Variants in IPO13 observed in about 807,000 individuals in gnomAD.
IPO13 encodes the protein importin 13.
A neutral mutation model predicts 115.5 loss-of-function variants in IPO13; 28 were observed. The observed-to-expected ratio is 0.24, with a 90% CI of 0.18 to 0.33. The LOEUF is 0.33. IPO13 is among the 10% of genes least tolerant of loss of function. IPO13 has a pLI of 1.00. For synonymous variants in IPO13, 414 were observed against 478.9 expected, an observed-to-expected ratio of 0.86 and a Z score of 1.77; for missense variants, 785 against 1,204.6, an observed-to-expected ratio of 0.65 and a Z score of 5.16.
In IPO13 at chr1:43,967,851, C is replaced by A; in HGVS notation, c.*169C>A. On this transcript the variant is annotated 3_prime_UTR_variant, in exon 20 of 20. Transcript: ENST00000372343. The surrounding 1 kb of genome is among the most constrained non-coding windows in gnomAD (Gnocchi z 6.1). ...GGATGGGAGGATGCTTGGACCCAGG[C>A]CTTGGGAGGGAATGGTGGGAACATC... 1 of 657,384 alleles carries A rather than the reference C, an allele frequency of 1.5e-6. No individual in the cohort carries two copies. Among genetic ancestry groups the A allele is most frequent in the Non-Finnish European group, 2.7e-6 (1 of 376,380 alleles). 40.7% of individuals were successfully genotyped at this position (657,384 alleles called of 1,614,324 possible). A position where few individuals can be genotyped will look rare whatever the true frequency, so the allele number is the denominator to read the frequency against.
In IPO13 at chr1:43,961,026, G is replaced by C; in HGVS notation, c.2247+13G>C. 6.2e-7 allele frequency: 1 copy of C among 1,613,968 alleles called. No homozygotes were observed. Among genetic ancestry groups the C allele is most frequent in the South Asian group, 1.1e-5 (1 of 91,076 alleles). ...CCTCACTCGACAGGTGGGCCTTCTGGTTGGGGCAGAGATCCTGACCCTGGG... is the reference window on the plus strand; with the variant it reads ...CCTCACTCGACAGGTGGGCCTTCTGCTTGGGGCAGAGATCCTGACCCTGGG... On this transcript the variant is annotated intron_variant, in intron 13 of 19. Transcript: ENST00000372343.
chr1:43,963,017 T>C (rs2154302376), intron 14 of IPO13, among the ~76,000 whole-genome samples: 1 of 152,354 alleles, frequency 6.6e-6, no homozygotes, highest in African/African-American at 2.4e-5. Context: ...GGGTGGCTGC[T>C]GAATATCAAA....
Position 43,961,223 on chromosome 1 carries a change from C to G in IPO13, c.2305C>G (p.Leu769Val), listed in dbSNP as rs1325566489. 8 of 1,614,008 alleles carry G rather than the reference C, an allele frequency of 5.0e-6. No homozygotes were observed. The highest frequency in any genetic ancestry group is 5.9e-6 in the Non-Finnish European group (7 of 1,179,980). ...AHFPPIEALF[L>V]LVTSVTLTLF... ...CTTTCCCCCAATTGAGGCCCTCTTC[C>G]TGCTCGTCACCTCCGTCACACTCAC... The change falls in exon 14 of 20, where the codon CTG becomes GTG. Residue 769 changes from leucine to valine, a missense_variant. Leu to Val is a conservative substitution (Grantham distance 32, BLOSUM62 1). Transcript: ENST00000372343.
At chr1:43,961,629 C>T (rs2085291126) in intron 14 of IPO13, among the ~76,000 whole-genome samples, 1 of 152,130 alleles carries the variant, frequency 6.6e-6, no homozygotes, top group Admixed American at 6.5e-5. Flanking sequence ...TCAGCTAGAC[C>T]TAGATTCTAA....
rs572345124 is a variant in IPO13, at chr1:43,958,975, A to G, written c.2028+86A>G. 4.8e-5 allele frequency: 63 copies of G among 1,300,182 alleles called. 1 individual carries two copies. The highest frequency in any genetic ancestry group is 4.2e-4 in the South Asian group (33 of 78,040). The allele number at this position is 1,300,182 out of a possible 1,614,324, so 80.5% of individuals were successfully genotyped here. A position where few individuals can be genotyped will look rare whatever the true frequency, so the allele number is the denominator to read the frequency against. On this transcript the variant is annotated intron_variant, in intron 11 of 19. Coordinates refer to ENST00000372343, the MANE Select transcript of IPO13 (RefSeq NM_014652.4). This position sits in a 1 kb window ranked among gnomAD's most constrained non-coding sequence, Gnocchi z 6.3. ...GTGGGAATGTCATTGTCACTCTTCA[A>G]TTCTGTGGGTAATGTTGTCATTGTT...
In IPO13 at chr1:43,956,602, A is replaced by C. The variant is rs2085250431; in HGVS notation, c.1005A>C (p.Ala335=). ...DQVEHWQSFL[A]LVNMIMFCTG... ...TAGAGCACTGGCAGAGTTTCCTGGCACTCGTCAACATGATTATGTTCTGCA... is the reference window on the plus strand; with the variant it reads ...TAGAGCACTGGCAGAGTTTCCTGGCCCTCGTCAACATGATTATGTTCTGCA... The change falls in exon 4 of 20, where the codon GCA becomes GCC. Residue 335 remains alanine, a synonymous_variant. Transcript: ENST00000372343. The surrounding 1 kb of genome is among the most constrained non-coding windows in gnomAD (Gnocchi z 4.7). 3.7e-6 allele frequency: 6 copies of C among 1,613,918 alleles called. No homozygotes were observed. The highest frequency in any genetic ancestry group is 5.1e-6 in the Non-Finnish European group (6 of 1,180,016).
At chr1:43,959,746 T>G (rs919037285) in intron 11 of IPO13, among the ~76,000 whole-genome samples, 2 of 152,152 alleles carry the variant, frequency 1.3e-5, no homozygotes, top group African/African-American at 4.8e-5. Flanking sequence ...AGCTGCTTCT[T>G]TACATGGTAG....
intron 14 of IPO13, among the ~76,000 whole-genome samples, chr1:43,962,155 A>G (rs895788002): frequency 1.3e-5 from 2 of 152,108 alleles, no homozygotes; most frequent in Non-Finnish European, 1.5e-5. Flanking sequence ...TCTGTGGGCC[A>G]TGGAGTAGGT....
rs749214638 is a variant in IPO13 at position 43,950,036 on chromosome 1, C to T, written c.704C>T (p.Pro235Leu). The T allele has an allele frequency of 8.1e-6, 13 of 1,613,520 alleles. No individual in the cohort carries two copies. Among genetic ancestry groups the T allele is most frequent in the South Asian group, 5.5e-5 (5 of 91,046 alleles). The change falls in exon 2 of 20, where the codon CCG (proline) becomes CTG (leucine). Residue 235 changes from proline (P) to leucine (L), a missense_variant. Around this residue, in one of 3 missense-constraint regions of IPO13, gnomAD observed 325 missense variants for 449.8 expected, o/e 0.72. Transcript: ENST00000372343. ...TCCAGCTGGGTGCAGCTGGAGGTGC[C>T]GCTGCAGGACTGTGAGGCGCTCATT... ...CFSSWVQLEV[P>L]LQDCEALIQA... is the part of the protein sequence containing the mutation.
chr1:43,961,550 T>C (rs1481290092), intron 14 of IPO13, among the ~76,000 whole-genome samples: 2 of 152,126 alleles, frequency 1.3e-5, no homozygotes, highest in African/African-American at 2.4e-5. Context: ...TCTGAGGGGC[T>C]TGGGGCACTA....
In IPO13 at chr1:43,958,332, T is replaced by A. The variant is rs2085265753; in HGVS notation, c.1749+64T>A. On this transcript the variant is annotated intron_variant, in intron 9 of 19. Coordinates refer to ENST00000372343, the MANE Select transcript of IPO13 (RefSeq NM_014652.4). The surrounding 1 kb of genome is among the most constrained non-coding windows in gnomAD (Gnocchi z 6.3). ...TTGTGGGAATCACTTATCCCTGAAA[T>A]CCTGTTTTTTGGCCTTCCCCTTCCT... is the stretch of plus-strand genomic sequence containing the variant. The A allele has an allele frequency of 1.2e-6, 2 of 1,611,732 alleles. No homozygotes were observed. Among genetic ancestry groups the A allele is most frequent in the Non-Finnish European group, 1.7e-6 (2 of 1,177,948 alleles).
At chr1:43,964,353 TTCTC>T (rs763939660) in intron 15 of IPO13, 32 bp downstream of exon 15, 7 of 1,451,120 alleles carry the variant, frequency 4.8e-6, no homozygotes, top group African/African-American at 1.4e-5. Context: ...TCACGTTCTG[TTCTC>T]TCTCTTTCTC....
Position 43,960,781 on chromosome 1 carries a change from A to G in IPO13, c.2110-95A>G, listed in dbSNP as rs2085283777. On this transcript the variant is annotated intron_variant, in intron 12 of 19. Transcript: ENST00000372343. ...GCAGGGCCAGGCAAGGCTTATAGGT[A>G]AGGGCCCAATCGTAGGCCCCCTCTG... The G allele has an allele frequency of 5.4e-6, 8 of 1,475,860 alleles. No individual in the cohort carries two copies. In the South Asian group the frequency reaches 8.7e-5, roughly 16 times the overall value. The allele number at this position is 1,475,860 out of a possible 1,614,324, so 91.4% of individuals were successfully genotyped here. A position where few individuals can be genotyped will look rare whatever the true frequency, so the allele number is the denominator to read the frequency against.
intron 7 of IPO13, 32 bp from the exon 8 acceptor site, chr1:43,957,945 C>CA: frequency 1.2e-6 from 2 of 1,610,618 alleles, no homozygotes; most frequent in Non-Finnish European, 1.7e-6. Flanking sequence ...TGGCCTGCCT[C>CA]AAAGATCCTC....
At position 43,958,443 on chromosome 1, in the gene IPO13, C is replaced by A. The variant is rs747549685; in HGVS notation, c.1750-18C>A. ...ACTAGATGTGGCCAGGACTGACCATCCATGTTCTGCCCCACAGACAAGCCA... is the reference window on the plus strand; with the variant it reads ...ACTAGATGTGGCCAGGACTGACCATACATGTTCTGCCCCACAGACAAGCCA... On this transcript the variant is annotated intron_variant, in intron 9 of 19. Transcript: ENST00000372343. The surrounding 1 kb of genome is among the most constrained non-coding windows in gnomAD (Gnocchi z 6.3). 6.2e-7 allele frequency: 1 copy of A among 1,613,886 alleles called. No homozygotes were observed. Among genetic ancestry groups the A allele is most frequent in the South Asian group, 1.1e-5 (1 of 91,050 alleles).
chr1:43,948,013 G>A (rs2085179485), intron 1 of IPO13, among the ~76,000 whole-genome samples: 1 of 152,222 alleles, frequency 6.6e-6, no homozygotes, highest in African/African-American at 2.4e-5. Flanking sequence ...GGGAACCCAG[G>A]AGACCTGCAG....
In IPO13 at chr1:43,946,988, T is replaced by C. The variant is rs750134244; in HGVS notation, c.-613T>C. On this transcript the variant is annotated 5_prime_UTR_variant, in exon 1 of 20. Transcript: ENST00000372343. ...GTCACTGGGGCGGAGGCAGCGGCTG[T>C]AGCGGGGCTGTAGCCGGGCGTTGAG... 2.0e-5 allele frequency: 8 copies of C among 398,522 alleles called. No individual in the cohort carries two copies. The highest frequency in any genetic ancestry group is 6.2e-5 in the African/African-American group (3 of 48,640). The allele number at this position is 398,522 out of a possible 1,614,324, so 24.7% of individuals were successfully genotyped here. A position where few individuals can be genotyped will look rare whatever the true frequency, so the allele number is the denominator to read the frequency against.
chr1:43,957,039 G>T (rs2085255674), intron 5 of IPO13, 63 bp downstream of exon 5: 7 of 1,585,490 alleles, frequency 4.4e-6, no homozygotes, highest in Non-Finnish European at 6.0e-6. Context: ...AATGAGGGAA[G>T]GGGCCCAAGT....
rs147939843 is a variant in IPO13, at chr1:43,961,237, C to T, written c.2319C>T (p.Ser773=). ...PIEALFLLVT[S]VTLTLFQQGP... is the part of the protein sequence containing the mutation. ...AGGCCCTCTTCCTGCTCGTCACCTC[C>T]GTCACACTCACTCTCTTCCAGCAAG... Residue 773 remains serine (S), a synonymous_variant, in exon 14 of 20, where the codon TCC becomes TCT. Coordinates refer to ENST00000372343, the MANE Select transcript of IPO13 (RefSeq NM_014652.4). 3.5e-5 allele frequency: 56 copies of T among 1,613,784 alleles called. No homozygotes were observed. Among genetic ancestry groups the T allele is most frequent in the African/African-American group, 5.3e-5 (4 of 74,894 alleles).
Sources: gnomAD v4.1 joint callset for allele counts (sites outside exome capture counted in the v4.1 genomes callset) on GRCh38, gnomAD v4.1.1 for gene constraint, gnomAD v4.1.1 regional missense constraint, Gnocchi (gnomAD v3.1) non-coding constraint, MANE v1.5 for transcripts, NCBI Gene and HGNC (gene_info 2026-07-23, HGNC 2026-07-21) for gene names.